RSU1: variants seen among roughly 807,000 people sequenced by gnomAD.
RSU1 encodes rsu-1.
Under a neutral mutation model 31.1 loss-of-function variants are expected in RSU1, and 26 were observed. The ratio of observed to expected loss-of-function variants is 0.84; its 90% confidence interval spans 0.61 to 1.16. The LOEUF (loss-of-function observed/expected upper bound fraction) is 1.16. Among genes scored for constraint, RSU1 ranks in the 50% most tolerant of loss-of-function variants. The pLI, the probability that RSU1 is intolerant of heterozygous loss-of-function variation, is 0.00. For synonymous variants in RSU1, 164 were observed against 136.3 expected (o/e 1.20, Z -1.41); for missense variants, 320 against 339.1 (o/e 0.94, Z 0.44).
rs1273720423 is a variant in RSU1, at chr10:16,687,901, C to T, written c.731+7122G>A. Among the ~76,000 whole-genome samples the T allele has an allele frequency of 6.6e-5, 10 of 151,956 alleles. No individual in the cohort carries two copies. The East Asian group carries it at 1.7e-3, about 27-fold the overall frequency. On this transcript the variant is annotated intron_variant, in intron 8 of 8. Coordinates refer to ENST00000345264, the MANE Select transcript of RSU1 (RefSeq NM_012425.4). ...TGCCCGGCTAATTTTTTTTCATTTT[C>T]TGTACAGACGAAGTCTCACTATGTT...
At chr10:16,654,680 C>G (rs201200875) in intron 8 of RSU1, among the ~76,000 whole-genome samples, 60 of 111,976 alleles carry the variant, frequency 5.4e-4, no homozygotes, top group African/African-American at 1.8e-3. Context: ...AAAACAAAAA[C>G]AAAAAAAAAA....
rs975725108 is a variant in RSU1, at chr10:16,724,431, G to T, written c.598+28108C>A. Among the ~76,000 whole-genome samples, 6 of 152,180 alleles carry T rather than the reference G, an allele frequency of 3.9e-5. 1 individual carries two copies. Among genetic ancestry groups the T allele is most frequent in the Non-Finnish European group, 7.3e-5 (5 of 68,030 alleles). On this transcript the variant is annotated intron_variant, in intron 7 of 8. Coordinates refer to ENST00000345264, the MANE Select transcript of RSU1 (RefSeq NM_012425.4). ...GGAAACTGGACCAAAATGAGGGAGG[G>T]CATTAGCAATGAACACATGGCTCCT...
At chr10:16,608,558 G>C (rs1015300926) in intron 8 of RSU1, among the ~76,000 whole-genome samples, 2 of 151,988 alleles carry the variant, frequency 1.3e-5, no homozygotes, top group Non-Finnish European at 2.9e-5. Context: ...TGTTCTCTTT[G>C]AAGTGGCAAA....
intron 8 of RSU1, among the ~76,000 whole-genome samples, chr10:16,594,359 C>T (rs946517124): frequency 6.6e-5 from 10 of 151,902 alleles, no homozygotes; most frequent in African/African-American, 2.4e-4. Context: ...GGAATATGCA[C>T]ACTCTCTGGA....
chr10:16,755,121 T>G (rs986118779), intron 4 of RSU1, 132 bp from the exon 5 acceptor site: 1 of 479,394 alleles, frequency 2.1e-6, no homozygotes, highest in African/African-American at 2.0e-5. Flanking sequence ...TATACTTTAT[T>G]TTTATTTTTT....
At chr10:16,606,835 A>G (rs937491772) in intron 8 of RSU1, among the ~76,000 whole-genome samples, 43 of 152,308 alleles carry the variant, frequency 2.8e-4, no homozygotes, top group African/African-American at 1.0e-3. Context: ...CATACCATAC[A>G]TAGTGGTATT....
chr10:16,655,483 AT>A (rs1445210535), intron 8 of RSU1, among the ~76,000 whole-genome samples: 1 of 152,218 alleles, frequency 6.6e-6, no homozygotes, highest in Non-Finnish European at 1.5e-5. Flanking sequence ...GAAAACTTGT[AT>A]AAAGAGCTTA....
chr10:16,763,833 T>C (rs1837257338), intron 4 of RSU1, among the ~76,000 whole-genome samples: 1 of 152,202 alleles, frequency 6.6e-6, no homozygotes, highest in Admixed American at 6.5e-5. Context: ...AAATAGATTA[T>C]CATTATTATT....
chr10:16,686,442 A>G (rs1029242468), intron 8 of RSU1, among the ~76,000 whole-genome samples: 3 of 152,224 alleles, frequency 2.0e-5, no homozygotes, highest in African/African-American at 7.2e-5. Context: ...CAATATGATT[A>G]TATCAAATGA....
chr10:16,699,262 A>C (rs892918137), intron 7 of RSU1, among the ~76,000 whole-genome samples: 1 of 152,210 alleles, frequency 6.6e-6, no homozygotes, highest in Non-Finnish European at 1.5e-5. Flanking sequence ...GGATAACACA[A>C]TACCTGTTTC....
chr10:16,681,804 A>G (rs1234989741), intron 8 of RSU1, among the ~76,000 whole-genome samples: 3 of 152,194 alleles, frequency 2.0e-5, no homozygotes, highest in African/African-American at 7.2e-5. Flanking sequence ...TATGTGCTGT[A>G]TGTTTTTTAA....
At chr10:16,745,410 C>T (rs1836830646) in intron 7 of RSU1, among the ~76,000 whole-genome samples, 1 of 152,144 alleles carries the variant, frequency 6.6e-6, no homozygotes. Context: ...CTCATAGAGA[C>T]ATACCCGAGA....
intron 8 of RSU1, among the ~76,000 whole-genome samples, chr10:16,674,054 T>A (rs952939537): frequency 1.3e-5 from 2 of 151,906 alleles, no homozygotes; most frequent in Non-Finnish European, 2.9e-5. Flanking sequence ...CACACAGAGG[T>A]GTCTGTTAGG....
At chr10:16,616,452 T>A (rs1833979167) in intron 8 of RSU1, among the ~76,000 whole-genome samples, 1 of 148,330 alleles carries the variant, frequency 6.7e-6, no homozygotes, top group South Asian at 2.2e-4. Context: ...AGAGCTAATA[T>A]CATTCCTTCT....
chr10:16,753,240 C>T (rs554804847), intron 5 of RSU1, among the ~76,000 whole-genome samples: 8 of 152,280 alleles, frequency 5.3e-5, no homozygotes, highest in East Asian at 1.9e-4. Context: ...CAACTGTGGG[C>T]GCCAGCATTT....
At chr10:16,623,804 C>A (rs927636769) in intron 8 of RSU1, among the ~76,000 whole-genome samples, 1 of 152,112 alleles carries the variant, frequency 6.6e-6, no homozygotes, top group African/African-American at 2.4e-5. Flanking sequence ...TGTTTGTTGG[C>A]CCCTCATTAC....
chr10:16,759,082 A>G (rs1383717216), intron 4 of RSU1, among the ~76,000 whole-genome samples: 1 of 152,146 alleles, frequency 6.6e-6, no homozygotes, highest in Non-Finnish European at 1.5e-5. Flanking sequence ...CCTCCTTTTC[A>G]GAGCAGTTTC....
intron 8 of RSU1, among the ~76,000 whole-genome samples, chr10:16,638,692 A>C (rs989478435): frequency 2.0e-5 from 3 of 152,214 alleles, no homozygotes; most frequent in African/African-American, 2.4e-5. Context: ...ACGTGTCATT[A>C]AAATACACAC....
chr10:16,718,873 C>T (rs920034781), intron 7 of RSU1, among the ~76,000 whole-genome samples: 6 of 150,842 alleles, frequency 4.0e-5, no homozygotes, highest in Admixed American at 6.6e-5. Flanking sequence ...CCCAGCTACT[C>T]GAAAGGCTGG....
Sources: allele counts gnomAD v4.1 joint callset (sites outside exome capture counted in the v4.1 genomes callset), GRCh38; gene constraint gnomAD v4.1.1; transcripts MANE v1.5; gene names NCBI Gene and HGNC (gene_info 2026-07-23, HGNC 2026-07-21).